KSR1: variants seen among roughly 807,000 people sequenced by gnomAD.
KSR1 encodes the protein kinase suppressor of ras.
Under a neutral mutation model 92.9 loss-of-function variants are expected in KSR1, and 35 were observed. The ratio of observed to expected loss-of-function variants is 0.38; its 90% confidence interval spans 0.29 to 0.50. The LOEUF is 0.50. Ranked by LOEUF, KSR1 falls within the 20% of genes least tolerant of loss-of-function variation. KSR1 has a pLI of 0.94. For missense variants in KSR1, 972 were observed against 1,158.5 expected, an observed-to-expected ratio of 0.84 and a Z score of 2.34; for synonymous variants, 467 against 472.6, an observed-to-expected ratio of 0.99 and a Z score of 0.15.
chr17:27,488,321 C>T (rs2068727288), intron 1 of KSR1, among the ~76,000 whole-genome samples: 2 of 151,972 alleles, frequency 1.3e-5, no homozygotes, highest in African/African-American at 4.8e-5. Flanking sequence ...GCTATTTATG[C>T]TCTTTTTACT....
chr17:27,484,109 CAGAG>C (rs2068594548), intron 1 of KSR1, among the ~76,000 whole-genome samples: 1 of 152,174 alleles, frequency 6.6e-6, no homozygotes, highest in African/African-American at 2.4e-5. Context: ...TGGAAGCAGA[CAGAG>C]AGCAGTGAGG....
At chr17:27,480,443 G>T (rs1020622801) in intron 1 of KSR1, among the ~76,000 whole-genome samples, 1 of 151,796 alleles carries the variant, frequency 6.6e-6, no homozygotes, top group Non-Finnish European at 1.5e-5. Context: ...TGTTGCCCAG[G>T]CTGGAGTGCA....
intron 2 of KSR1, among the ~76,000 whole-genome samples, chr17:27,561,059 T>A (rs2071807237): frequency 6.6e-6 from 1 of 152,156 alleles, no homozygotes; most frequent in Admixed American, 6.5e-5. Flanking sequence ...AGTTGGAGCA[T>A]GGAAGGAAGG....
intron 20 of KSR1, chr17:27,621,837 C>A: frequency 7.7e-7 from 1 of 1,292,326 alleles, no homozygotes; most frequent in Non-Finnish European, 1.1e-6. Flanking sequence ...CCCTGCCCAG[C>A]TGCTCTGGCC....
chr17:27,578,333 A>G (rs2948519), intron 3 of KSR1: 67,734 of 153,672 alleles, frequency 0.44, 15,079 homozygotes, highest in Non-Finnish European at 0.48. Flanking sequence ...GAAGGCACCA[A>G]GGTTTATATT....
intron 1 of KSR1, among the ~76,000 whole-genome samples, chr17:27,462,489 C>G (rs1285292287): frequency 6.6e-6 from 1 of 152,200 alleles, no homozygotes; most frequent in Non-Finnish European, 1.5e-5. Context: ...GTCTGCTTCC[C>G]TAATGTCCAG....
rs1488539039 is a variant in KSR1, at chr17:27,559,795, G to A, written c.372+9087G>A. 6.6e-6 allele frequency among the ~76,000 whole-genome samples: 1 copy of A among 152,240 alleles called. No individual in the cohort carries two copies. Among genetic ancestry groups the A allele is most frequent in the Non-Finnish European group, 1.5e-5 (1 of 68,044 alleles). ...AGGGAAGAATATCTGCAGAGACCCT[G>A]AGGATGAGGAAATCAGAGCGCTTGT... is the stretch of plus-strand genomic sequence containing the variant. On this transcript the variant is annotated intron_variant, in intron 2 of 20. Transcript: ENST00000644974. This position sits in a 1 kb window ranked among gnomAD's most constrained non-coding sequence, Gnocchi z 4.2.
chr17:27,500,008 A>G (rs2069120143), intron 1 of KSR1, among the ~76,000 whole-genome samples: 1 of 152,220 alleles, frequency 6.6e-6, no homozygotes, highest in South Asian at 2.1e-4. Context: ...TGCTGCTGTC[A>G]TCTTGAGAGT....
intron 1 of KSR1, among the ~76,000 whole-genome samples, chr17:27,458,635 G>C (rs1026709925): frequency 1.2e-4 from 19 of 152,318 alleles, no homozygotes; most frequent in Middle Eastern, 3.4e-3. Flanking sequence ...CCTCCTGAGT[G>C]TTTGTTTAGA....
intron 1 of KSR1, among the ~76,000 whole-genome samples, chr17:27,539,144 TCA>T (rs2070866325): frequency 6.6e-6 from 1 of 152,330 alleles, no homozygotes; most frequent in African/African-American, 2.4e-5. Flanking sequence ...GCTTGGTAAT[TCA>T]CACCCAGGTG....
At chr17:27,539,651 C>T (rs1422680034) in intron 1 of KSR1, among the ~76,000 whole-genome samples, 3 of 152,208 alleles carry the variant, frequency 2.0e-5, no homozygotes, top group African/African-American at 7.2e-5. Flanking sequence ...TATTCAATTG[C>T]TTCAGGCACA....
At chr17:27,599,300 G>A (rs1007530762) in intron 10 of KSR1, among the ~76,000 whole-genome samples, 3 of 152,238 alleles carry the variant, frequency 2.0e-5, no homozygotes, top group Non-Finnish European at 4.4e-5. Context: ...GCTTATGCCT[G>A]TAATTCCAGC....
In KSR1 at chr17:27,625,704, G is replaced by A. The variant is rs535509484; in HGVS notation, c.*2312G>A. The A allele has an allele frequency of 6.6e-6, 1 of 152,190 alleles. No homozygotes were observed. Among genetic ancestry groups the A allele is most frequent in the South Asian group, 2.1e-4 (1 of 4,820 alleles). 9.4% of individuals were successfully genotyped at this position (152,190 alleles called of 1,614,324 possible). A position where few individuals can be genotyped will look rare whatever the true frequency, so the allele number is the denominator to read the frequency against. On this transcript the variant is annotated 3_prime_UTR_variant, in exon 21 of 21. Transcript: ENST00000644974. ...GCCCTTCTGTGTGCTCTCTCCACAC[G>A]AAGGATGACAGATACTGTGAATTCA...
intron 2 of KSR1, among the ~76,000 whole-genome samples, chr17:27,570,081 T>A (rs2151136194): frequency 6.6e-6 from 1 of 152,288 alleles, no homozygotes; most frequent in East Asian, 1.9e-4. Flanking sequence ...AAAGGGAACA[T>A]GGAGAGACCT....
chr17:27,551,922 G>A (rs914458655), intron 2 of KSR1, among the ~76,000 whole-genome samples: 4 of 152,134 alleles, frequency 2.6e-5, no homozygotes, highest in Non-Finnish European at 4.4e-5. Flanking sequence ...CTTTTTCAGT[G>A]CTTCCTGTTT....
At chr17:27,508,134 C>T (rs2069462068) in intron 1 of KSR1, among the ~76,000 whole-genome samples, 1 of 152,172 alleles carries the variant, frequency 6.6e-6, no homozygotes, top group South Asian at 2.1e-4. Context: ...CCTGCTAATA[C>T]ATTACTCTGG....
intron 1 of KSR1, among the ~76,000 whole-genome samples, chr17:27,516,618 A>G (rs1402596550): frequency 1.3e-5 from 2 of 152,196 alleles, no homozygotes; most frequent in African/African-American, 4.8e-5. Context: ...GAAAAGCATG[A>G]AAGAAAATTG....
intron 1 of KSR1, among the ~76,000 whole-genome samples, chr17:27,529,020 G>A (rs2070429916): frequency 6.6e-6 from 1 of 152,098 alleles, no homozygotes; most frequent in South Asian, 2.1e-4. Flanking sequence ...AACATTTTAT[G>A]ATTATAAAAA....
chr17:27,544,021 A>G (rs759166331), intron 1 of KSR1, among the ~76,000 whole-genome samples: 8 of 152,138 alleles, frequency 5.3e-5, no homozygotes, highest in African/African-American at 4.8e-5. Context: ...TGAGAAGAAC[A>G]CCACCCACGT....
Sources: allele counts gnomAD v4.1 joint callset (sites outside exome capture counted in the v4.1 genomes callset), GRCh38; gene constraint gnomAD v4.1.1; non-coding constraint Gnocchi (gnomAD v3.1); transcripts MANE v1.5; gene names NCBI Gene and HGNC (gene_info 2026-07-23, HGNC 2026-07-21).